The following FRMD3 variants were observed in gnomAD, a reference collection of about 807,000 sequenced individuals.
FRMD3 encodes FERM domain containing 3, also known as FERM domain-containing protein 3.
A neutral mutation model predicts 70.2 loss-of-function variants in FRMD3; 33 were observed. That is an observed-to-expected ratio of 0.47 (90% CI 0.36 to 0.63). The LOEUF is 0.63. Ranked by LOEUF, FRMD3 falls within the 20% of genes least tolerant of loss-of-function variation. The pLI, the probability that FRMD3 is intolerant of heterozygous loss-of-function variation, is 0.00. For synonymous variants in FRMD3, 279 were observed against 255.9 expected (o/e 1.09, Z -0.86); for missense variants, 632 against 711.4 (o/e 0.89, Z 1.27).
intron 10 of FRMD3, 98 bp from the exon 11 acceptor site, chr9:83,299,284 A>G (rs751494640): frequency 1.1e-5 from 8 of 705,126 alleles, no homozygotes; most frequent in Non-Finnish European, 2.0e-5. Flanking sequence ...ACTGCAAGAA[A>G]GAAATGTAAT....
At chr9:83,274,746 A>G (rs1331045415) in intron 13 of FRMD3, among the ~76,000 whole-genome samples, 1 of 152,140 alleles carries the variant, frequency 6.6e-6, no homozygotes, top group African/African-American at 2.4e-5. Flanking sequence ...CATGCAGTCA[A>G]TGGCCAGGTT....
In FRMD3 at chr9:83,374,332, A is replaced by G. The variant is rs1044609630; in HGVS notation, c.253-1377T>C. Among the ~76,000 whole-genome samples the G allele has an allele frequency of 9.8e-5, 15 of 152,304 alleles. No homozygotes were observed. The East Asian group carries it at 2.5e-3, about 25-fold the overall frequency. The stretch of plus-strand genomic sequence containing the variant: ...GGGTGTCAAATCTCTGCAGTCTTCA[A>G]AAACAATAATGGGAGTCTTATAAGA... On this transcript the variant is annotated intron_variant, in intron 2 of 13. Transcript: ENST00000304195.
chr9:83,490,517 A>G (rs1301413516), intron 1 of FRMD3, among the ~76,000 whole-genome samples: 2 of 152,030 alleles, frequency 1.3e-5, no homozygotes, highest in Non-Finnish European at 2.9e-5. Context: ...CATGACTTCA[A>G]GTGATCTGCC....
chr9:83,369,402 C>A (rs1028747199), intron 3 of FRMD3, among the ~76,000 whole-genome samples: 4 of 151,810 alleles, frequency 2.6e-5, no homozygotes, highest in African/African-American at 9.7e-5. Context: ...ATGGCAAAAC[C>A]CTGTCTCTAC....
intron 9 of FRMD3, among the ~76,000 whole-genome samples, chr9:83,310,198 G>A (rs1441306286): frequency 2.0e-5 from 3 of 152,040 alleles, no homozygotes; most frequent in Non-Finnish European, 4.4e-5. Context: ...CTGTATCTTG[G>A]CAAAAAGAGG....
At chr9:83,297,811 A>G (rs1386947113) in intron 12 of FRMD3, 1 of 471,820 alleles carries the variant, frequency 2.1e-6, no homozygotes, top group Non-Finnish European at 4.4e-6. Context: ...TTTCTTCTGT[A>G]CACATCTACA....
At chr9:83,263,645 C>A (rs1833093400) in intron 13 of FRMD3, among the ~76,000 whole-genome samples, 1 of 151,992 alleles carries the variant, frequency 6.6e-6, no homozygotes, top group Non-Finnish European at 1.5e-5. Context: ...AACTCTAGTT[C>A]CAGATAATAG....
At chr9:83,571,114 AGGT>A in the FRMD3 span, among the ~76,000 whole-genome samples, 2 of 152,138 alleles carry the variant, frequency 1.3e-5, no homozygotes, top group African/African-American at 4.8e-5. Flanking sequence ...TCTCCCATGG[AGGT>A]GAGCACTTGC....
chr9:83,421,700 C>T (rs1826649023), intron 1 of FRMD3, among the ~76,000 whole-genome samples: 1 of 152,180 alleles, frequency 6.6e-6, no homozygotes, highest in Non-Finnish European at 1.5e-5. Context: ...TCCCTGGAGC[C>T]AGCAGTTGCC....
In FRMD3 at chr9:83,326,665, C is replaced by T. The variant is rs776314302; in HGVS notation, c.596+8851G>A. Among the ~76,000 whole-genome samples, 4 of 152,264 alleles carry T rather than the reference C, an allele frequency of 2.6e-5. No homozygotes were observed. In the South Asian group the frequency reaches 8.3e-4, roughly 32 times the overall value. On this transcript the variant is annotated intron_variant, in intron 6 of 13. Coordinates refer to ENST00000304195, the MANE Select transcript of FRMD3 (RefSeq NM_174938.6). ...AGGTTGGGGTTTTTTCCTTGAATCT[C>T]CCACTGGGCATCTGTTTCTGGCAAA... is the stretch of plus-strand genomic sequence containing the variant.
At chr9:83,283,551 ATAAT>A (rs1587675299) in intron 13 of FRMD3, among the ~76,000 whole-genome samples, 7 of 54,100 alleles carry the variant, frequency 1.3e-4, no homozygotes, top group East Asian at 9.9e-4. Context: ...AAAAAAAATA[ATAAT>A]AATAATAATA....
rs534547406 is a variant in FRMD3 at position 83,396,741 on chromosome 9, C to G, written c.148-7033G>C. 5.3e-5 allele frequency among the ~76,000 whole-genome samples: 8 copies of G among 152,314 alleles called. No individual in the cohort carries two copies. The East Asian group carries it at 1.3e-3, about 26-fold the overall frequency. On this transcript the variant is annotated intron_variant, in intron 1 of 13. Transcript: ENST00000304195. Reference sequence around the variant, plus strand: ...CCGAAATATTCACAGAGAAATGGAGCCTGTGTCTGCAAACTGTCAATCAGT... The same window carrying G: ...CCGAAATATTCACAGAGAAATGGAGGCTGTGTCTGCAAACTGTCAATCAGT...
the FRMD3 span, among the ~76,000 whole-genome samples, chr9:83,561,408 A>G: frequency 6.6e-6 from 1 of 152,178 alleles, no homozygotes; most frequent in South Asian, 2.1e-4. Flanking sequence ...ACAATCATTT[A>G]CAGGGCGGCT....
At chr9:83,514,749 A>G (rs1829417278) in intron 1 of FRMD3, among the ~76,000 whole-genome samples, 1 of 152,186 alleles carries the variant, frequency 6.6e-6, no homozygotes, top group South Asian at 2.1e-4. Context: ...CTCTAAGACA[A>G]AGCTTCCAGA....
At chr9:83,365,839 G>T (rs540053644) in intron 3 of FRMD3, among the ~76,000 whole-genome samples, 1 of 152,190 alleles carries the variant, frequency 6.6e-6, no homozygotes, top group Non-Finnish European at 1.5e-5. Context: ...AGCAGTTCCT[G>T]CCTGTCCCAG....
Position 83,248,402 on chromosome 9 carries a change from T to A in FRMD3, c.1310A>T (p.Glu437Val), listed in dbSNP as rs914843140. ...PPSEEEDKIK[E>V]EPLTISELVY... ...TAGTTCAGAGATGGTTAAAGGTTCT[T>A]CTTTTATTTTATCTTCCTCTTCACT... is the stretch of plus-strand genomic sequence containing the variant. Residue 437 changes from glutamate to valine, a missense_variant, in exon 14 of 14, where the codon GAA becomes GTA. Physicochemically the swap from Glu to Val is moderately radical, Grantham distance 121. Coordinates refer to ENST00000304195, the MANE Select transcript of FRMD3 (RefSeq NM_174938.6). 6.2e-7 allele frequency: 1 copy of A among 1,614,188 alleles called. No homozygotes were observed.
At chr9:83,349,945 AG>A in intron 3 of FRMD3, among the ~76,000 whole-genome samples, 188 bp from the exon 4 acceptor site, 1 of 152,334 alleles carries the variant, frequency 6.6e-6, no homozygotes, top group Non-Finnish European at 1.5e-5. Flanking sequence ...CAAAACTCAA[AG>A]AAAATGCTTG....
At chr9:83,374,617 T>C (rs1825085563) in intron 2 of FRMD3, among the ~76,000 whole-genome samples, 1 of 152,190 alleles carries the variant, frequency 6.6e-6, no homozygotes, top group Non-Finnish European at 1.5e-5. Context: ...TCCTCGACTA[T>C]AAAATGGGAA....
intron 3 of FRMD3, among the ~76,000 whole-genome samples, chr9:83,368,993 T>A (rs1010130630): frequency 4.6e-5 from 7 of 152,224 alleles, no homozygotes; most frequent in African/African-American, 1.4e-4. Flanking sequence ...GAGCTGGGAT[T>A]ACAGGCACGT....
Sources: gnomAD v4.1 joint callset for allele counts (sites outside exome capture counted in the v4.1 genomes callset) on GRCh38, gnomAD v4.1.1 for gene constraint, MANE v1.5 for transcripts, NCBI Gene and HGNC (gene_info 2026-07-23, HGNC 2026-07-21) for gene names.